Variants in RGS6 observed in about 807,000 individuals in gnomAD.
The protein encoded by RGS6 is regulator of G protein signaling 6, also known as regulator of G-protein signaling 6.
A neutral mutation model predicts 78.5 loss-of-function variants in RGS6; 30 were observed. That is an observed-to-expected ratio of 0.38 (90% CI 0.29 to 0.52). The LOEUF (loss-of-function observed/expected upper bound fraction) is 0.52, where lower values mean the gene tolerates loss of function less well. Among genes scored for constraint, RGS6 ranks in the 20% least tolerant of loss-of-function variants. The pLI is 0.85. For missense variants in RGS6, 495 were observed against 609.7 expected, an observed-to-expected ratio of 0.81 and a Z score of 1.98; for synonymous variants, 206 against 206.0, an observed-to-expected ratio of 1.00 and a Z score of 0.00.
chr14:72,599,042 G>A, the RGS6 span, among the ~76,000 whole-genome samples: 1 of 152,170 alleles, frequency 6.6e-6, no homozygotes, highest in African/African-American at 2.4e-5. Flanking sequence ...TGGGCATTGG[G>A]AGACCCGGCG....
chr14:72,349,056 A>G (rs2078619563), intron 2 of RGS6, among the ~76,000 whole-genome samples: 1 of 152,144 alleles, frequency 6.6e-6, no homozygotes, highest in African/African-American at 2.4e-5. Flanking sequence ...GTCCCCAGCT[A>G]CTCAGGAAGC....
intron 3 of RGS6, among the ~76,000 whole-genome samples, chr14:72,452,002 G>A (rs928644256): frequency 6.6e-6 from 1 of 152,094 alleles, no homozygotes; most frequent in African/African-American, 2.4e-5. Flanking sequence ...CACCCTCCTC[G>A]GTCTCCAAAA....
intron 15 of RGS6, among the ~76,000 whole-genome samples, chr14:72,520,359 T>C (rs990838320): frequency 1.3e-5 from 2 of 152,232 alleles, no homozygotes; most frequent in African/African-American, 4.8e-5. Context: ...AAATTCGTTT[T>C]ATAAGATATT....
At chr14:72,268,907 G>T (rs1358715232) in intron 2 of RGS6, among the ~76,000 whole-genome samples, 1 of 152,186 alleles carries the variant, frequency 6.6e-6, no homozygotes, top group African/African-American at 2.4e-5. Context: ...TTTAGGTTCA[G>T]AGAGGTTAAG....
rs146706651 is a variant in RGS6, at chr14:72,161,841, T to C, written c.85-190254T>C. The stretch of plus-strand genomic sequence containing the variant: ...ATGAGAAAAAGCTAAGTTTGAGTTG[T>C]CTTTTATATTGTATAATGGTGCTTC... On this transcript the variant is annotated intron_variant, in intron 2 of 17. Coordinates refer to ENST00000553525, the MANE Select transcript of RGS6 (RefSeq NM_001204424.2). Among the ~76,000 whole-genome samples, 667 of 152,378 alleles carry C rather than the reference T, an allele frequency of 4.4e-3. 3 individuals are homozygous for C. The highest frequency in any genetic ancestry group is 0.01 in the Middle Eastern group (3 of 294).
At chr14:72,002,886 C>A (rs1234101345) in intron 2 of RGS6, among the ~76,000 whole-genome samples, 1 of 152,192 alleles carries the variant, frequency 6.6e-6, no homozygotes, top group East Asian at 1.9e-4. Flanking sequence ...TTCAGTTACA[C>A]TGAACACTCG....
intron 2 of RGS6, among the ~76,000 whole-genome samples, chr14:71,986,791 G>A (rs1165535863): frequency 6.6e-6 from 1 of 152,194 alleles, no homozygotes; most frequent in Non-Finnish European, 1.5e-5. Context: ...ATTTGGCAGA[G>A]CTGCATGCCC....
intron 3 of RGS6, among the ~76,000 whole-genome samples, chr14:72,433,811 C>T (rs189728073): frequency 3.9e-5 from 6 of 152,336 alleles, no homozygotes; most frequent in Middle Eastern, 3.4e-3. Flanking sequence ...CTCTCTGCCT[C>T]ACTTTCTTAA....
intron 2 of RGS6, chr14:71,990,473 T>A (rs967630030): frequency 2.6e-6 from 1 of 381,552 alleles, no homozygotes; most frequent in African/African-American, 2.1e-5. Context: ...CATGGGAATA[T>A]GTTATTAACC....
intron 3 of RGS6, among the ~76,000 whole-genome samples, chr14:72,425,151 T>C (rs1806781769): frequency 6.6e-6 from 1 of 152,212 alleles, no homozygotes; most frequent in African/African-American, 2.4e-5. Context: ...GAAAATCTTT[T>C]TTTTTGAGAC....
intron 2 of RGS6, among the ~76,000 whole-genome samples, chr14:72,249,410 T>C (rs1452509198): frequency 2.0e-5 from 3 of 152,344 alleles, no homozygotes; most frequent in East Asian, 3.9e-4. Flanking sequence ...CCTGTATAGA[T>C]GTAAATTTAT....
rs187260080 is a variant in RGS6, at chr14:72,127,602, G to C, written c.84+162727G>C. Among the ~76,000 whole-genome samples, 459 of 151,934 alleles carry C rather than the reference G, an allele frequency of 3.0e-3. 1 individual carries two copies. Among genetic ancestry groups the C allele is most frequent in the African/African-American group, 0.01 (420 of 41,436 alleles). On this transcript the variant is annotated intron_variant, in intron 2 of 17. Coordinates refer to ENST00000553525, the MANE Select transcript of RGS6 (RefSeq NM_001204424.2). ...TTTTAGCACAGAACACAATTAACCA[G>C]GGCTTAAAAAAAACCATTTAATTTT...
chr14:72,605,327 A>G, the RGS6 span, among the ~76,000 whole-genome samples: 1 of 152,240 alleles, frequency 6.6e-6, no homozygotes, highest in Non-Finnish European at 1.5e-5. Flanking sequence ...GCCAGGCTTC[A>G]GCACAGAGGC....
chr14:72,582,441 G>A, the RGS6 span, among the ~76,000 whole-genome samples: 1 of 152,150 alleles, frequency 6.6e-6, no homozygotes, highest in African/African-American at 2.4e-5. Context: ...GAAAAAAATG[G>A]AAAAGGCTGT....
chr14:72,309,240 G>A (rs1425379502), intron 2 of RGS6, among the ~76,000 whole-genome samples: 1 of 152,190 alleles, frequency 6.6e-6, no homozygotes, highest in Non-Finnish European at 1.5e-5. Flanking sequence ...AGCGAGGCTG[G>A]TGTACAGGGC....
At chr14:72,216,099 A>G (rs534966039) in intron 2 of RGS6, among the ~76,000 whole-genome samples, 26 of 152,354 alleles carry the variant, frequency 1.7e-4, no homozygotes, top group African/African-American at 6.3e-4. Flanking sequence ...CTCACGACAA[A>G]CAGTATATGG....
At chr14:72,609,185 G>A in the RGS6 span, among the ~76,000 whole-genome samples, 32 of 152,182 alleles carry the variant, frequency 2.1e-4, no homozygotes, top group African/African-American at 4.6e-4. Context: ...CTTTGAGAAC[G>A]TGCGAGCATT....
intron 2 of RGS6, among the ~76,000 whole-genome samples, chr14:71,990,342 A>T (rs533101788): frequency 6.6e-6 from 1 of 152,326 alleles, no homozygotes; most frequent in Admixed American, 6.5e-5. Flanking sequence ...GCAGATCCCC[A>T]TTCGTGGTTC....
intron 17 of RGS6, among the ~76,000 whole-genome samples, chr14:72,542,708 G>A (rs746560825): frequency 1.2e-4 from 19 of 152,218 alleles, no homozygotes; most frequent in Non-Finnish European, 2.5e-4. Flanking sequence ...CATTCAGCTG[G>A]AGGCTTGTCA....
Sources: gnomAD v4.1 joint callset for allele counts (sites outside exome capture counted in the v4.1 genomes callset) on GRCh38, gnomAD v4.1.1 for gene constraint, MANE v1.5 for transcripts, NCBI Gene and HGNC (gene_info 2026-07-23, HGNC 2026-07-21) for gene names.